Variants in PLXNA4 observed in about 807,000 individuals in gnomAD.
PLXNA4 encodes plexin-A4.
Under a neutral mutation model 191.8 loss-of-function variants are expected in PLXNA4, and 44 were observed. The observed-to-expected ratio is 0.23, with a 90% CI of 0.18 to 0.29. The LOEUF (loss-of-function observed/expected upper bound fraction) is 0.29. Ranked by LOEUF, PLXNA4 falls within the 10% of genes least tolerant of loss-of-function variation. The pLI is 1.00. For missense variants in PLXNA4, 1,800 were observed against 2,488.8 expected (o/e 0.72, Z 5.89); for synonymous variants, 1,082 against 1,009.5 (o/e 1.07, Z -1.36).
intron 2 of PLXNA4, among the ~76,000 whole-genome samples, chr7:132,588,676 G>C (rs1489850782): frequency 1.0e-5 from 1 of 99,676 alleles, no homozygotes; most frequent in African/African-American, 4.1e-5. Flanking sequence ...GAAGGGAAGG[G>C]AAGGGAGGAG....
intron 1 of PLXNA4, among the ~76,000 whole-genome samples, chr7:132,511,860 C>T (rs377494241): frequency 2.6e-5 from 4 of 152,198 alleles, no homozygotes; most frequent in South Asian, 4.1e-4. Context: ...TTAGTGATTC[C>T]CAATCCCTGA....
intron 1 of PLXNA4, among the ~76,000 whole-genome samples, chr7:132,559,533 T>C (rs1014970189): frequency 3.9e-5 from 6 of 152,206 alleles, no homozygotes; most frequent in African/African-American, 1.4e-4. Context: ...GGCCCTGCAC[T>C]GTCTGGGGCC....
Position 132,142,187 on chromosome 7 carries a change from G to GCCCCTTTTGGCT in PLXNA4, c.5226-1388_5226-1377dup, listed in dbSNP as rs758225100. 1.8e-4 allele frequency among the ~76,000 whole-genome samples: 28 copies of GCCCCTTTTGGCT among 152,188 alleles called. 1 individual carries two copies. Among genetic ancestry groups the GCCCCTTTTGGCT allele is most frequent in the Non-Finnish European group, 3.5e-4 (24 of 68,034 alleles). On this transcript the variant is annotated intron_variant, in intron 29 of 31. Transcript: ENST00000321063. Reference sequence around the variant, plus strand: ...TAATGTCCCAATCCTGGGACCTTCTGCCCCTTTTGGCTGTAGCCATCCCTG... The same window carrying GCCCCTTTTGGCT: ...TAATGTCCCAATCCTGGGACCTTCTGCCCCTTTTGGCTCCCCTTTTGGCTGTAGCCATCCCTG...
intron 3 of PLXNA4, among the ~76,000 whole-genome samples, chr7:132,352,045 T>C (rs200463935): frequency 1.3e-5 from 2 of 152,192 alleles, no homozygotes; most frequent in East Asian, 3.8e-4. Flanking sequence ...ACATTTCCAC[T>C]GACATAATAT....
intron 1 of PLXNA4, among the ~76,000 whole-genome samples, chr7:132,558,721 T>A (rs1316377947): frequency 6.6e-6 from 1 of 152,358 alleles, no homozygotes; most frequent in East Asian, 1.9e-4. Flanking sequence ...TTTGACATCA[T>A]GCACATGGCC....
chr7:132,147,791 T>G (rs757075396), intron 27 of PLXNA4, 109 bp downstream of exon 27: 4 of 1,438,240 alleles, frequency 2.8e-6, no homozygotes, highest in Non-Finnish European at 3.8e-6. Flanking sequence ...GCCTGTCTGA[T>G]GCCCCATCTC....
At chr7:132,368,504 C>T (rs1022853991) in intron 3 of PLXNA4, among the ~76,000 whole-genome samples, 1 of 152,164 alleles carries the variant, frequency 6.6e-6, no homozygotes, top group African/African-American at 2.4e-5. Flanking sequence ...GACCTGGGGA[C>T]CAGAGGAGGA....
chr7:132,314,762 C>G (rs116229063), intron 3 of PLXNA4, among the ~76,000 whole-genome samples: 1,580 of 152,314 alleles, frequency 0.01, 42 homozygotes, highest in African/African-American at 0.037. Flanking sequence ...ACTTCCCATC[C>G]TCAACGTAGA....
At position 132,508,479 on chromosome 7, in the gene PLXNA4, T is replaced by C. The variant is rs1798575905; in HGVS notation, c.215A>G (p.Tyr72Cys). The C allele has an allele frequency of 1.9e-6, 3 of 1,614,072 alleles. No individual in the cohort carries two copies. The highest frequency in any genetic ancestry group is 2.7e-5 in the African/African-American group (2 of 74,936). The change falls in exon 2 of 32, where the codon TAC becomes TGC. Residue 72 changes from tyrosine (Y) to cysteine (C), a missense_variant. Physicochemically the swap from Tyr to Cys is radical, Grantham distance 194 (BLOSUM62 -2). Transcript: ENST00000321063. This position sits in a 1 kb window ranked among gnomAD's most constrained non-coding sequence, Gnocchi z 4.4. The stretch of plus-strand genomic sequence containing the variant: ...GACCTTCAGGTCGCTGGAGAGCTTG[T>C]AAATCCGATTGACGGCCCCCAAGTA... ...HIYLGAVNRI[Y>C]KLSSDLKVLV...
intron 24 of PLXNA4, among the ~76,000 whole-genome samples, chr7:132,160,892 A>G (rs1769724647): frequency 6.6e-6 from 1 of 151,904 alleles, no homozygotes; most frequent in African/African-American, 2.4e-5. Flanking sequence ...TATGAGCTCA[A>G]ATGCGAACAT....
At chr7:132,415,074 C>G (rs1002867633) in intron 3 of PLXNA4, among the ~76,000 whole-genome samples, 18 of 152,152 alleles carry the variant, frequency 1.2e-4, no homozygotes, top group African/African-American at 4.3e-4. Context: ...GTATTCACAC[C>G]CTAATCTTGG....
chr7:132,612,825 T>C (rs1411146201), intron 2 of PLXNA4, among the ~76,000 whole-genome samples: 1 of 152,046 alleles, frequency 6.6e-6, no homozygotes, highest in Non-Finnish European at 1.5e-5. Flanking sequence ...ACCCAAACTG[T>C]CTCTAGGCAT....
intron 3 of PLXNA4, among the ~76,000 whole-genome samples, chr7:132,403,286 T>A (rs906318674): frequency 6.6e-6 from 1 of 152,180 alleles, no homozygotes; most frequent in Non-Finnish European, 1.5e-5. Flanking sequence ...CAGCACTCAA[T>A]CATGTTCTCT....
intron 1 of PLXNA4, among the ~76,000 whole-genome samples, chr7:132,541,924 A>T (rs1374646139): frequency 1.3e-5 from 2 of 152,246 alleles, no homozygotes; most frequent in Non-Finnish European, 2.9e-5. Flanking sequence ...CCTACTATGC[A>T]TGAGTAAAAC....
At chr7:132,288,398 G>A (rs1800761506) in intron 4 of PLXNA4, among the ~76,000 whole-genome samples, 1 of 152,170 alleles carries the variant, frequency 6.6e-6, no homozygotes, top group South Asian at 2.1e-4. Flanking sequence ...AGTGGGAAGT[G>A]GGAATATCTC....
intron 4 of PLXNA4, among the ~76,000 whole-genome samples, chr7:132,253,232 CTTTTTTTTTT>C (rs56010775): frequency 3.0e-5 from 4 of 134,448 alleles, no homozygotes; most frequent in Non-Finnish European, 6.5e-5. Context: ...TTTCTTTTTT[CTTTTTTTTTT>C]TTTTTTTTTT....
chr7:132,143,530 G>C (rs961158439), intron 29 of PLXNA4, among the ~76,000 whole-genome samples: 2 of 152,210 alleles, frequency 1.3e-5, no homozygotes, highest in Admixed American at 1.3e-4. Context: ...ACCGAGAGAA[G>C]TTCTGGGCAG....
Position 132,180,673 on chromosome 7 carries a change from C to A in PLXNA4, c.3552G>T (p.Leu1184=). ...GGNVKLNYTV[L]VGEKPCTVTV... ...TCACGGTGCACGGCTTCTCCCCAAC[C>A]AGCACAGTGTAGTTCAGCTTCACGT... The change falls in exon 19 of 32, where the codon CTG becomes CTT. Residue 1184 remains leucine (L), a synonymous_variant. Coordinates refer to ENST00000321063, the MANE Select transcript of PLXNA4 (RefSeq NM_020911.2). The A allele has an allele frequency of 6.2e-7, 1 of 1,614,198 alleles. No homozygotes were observed. The highest frequency in any genetic ancestry group is 8.5e-7 in the Non-Finnish European group (1 of 1,180,034).
intron 31 of PLXNA4, 116 bp from the exon 32 acceptor site, chr7:132,130,690 C>G: frequency 1.4e-6 from 2 of 1,459,266 alleles, no homozygotes; most frequent in Non-Finnish European, 1.9e-6. Context: ...CAGGCATGTG[C>G]AGGGGCACAC....
Sources: gnomAD v4.1 joint callset for allele counts (sites outside exome capture counted in the v4.1 genomes callset) on GRCh38, gnomAD v4.1.1 for gene constraint, Gnocchi (gnomAD v3.1) non-coding constraint, MANE v1.5 for transcripts, NCBI Gene and HGNC (gene_info 2026-07-23, HGNC 2026-07-21) for gene names.